CMSS1: variants seen among roughly 807,000 people sequenced by gnomAD.
CMSS1 encodes the protein cms1 ribosomal small subunit homolog.
Under a neutral mutation model 43.5 loss-of-function variants are expected in CMSS1, and 33 were observed. The observed-to-expected ratio is 0.76, with a 90% CI of 0.57 to 1.01. The LOEUF is 1.01. Ranked by LOEUF, CMSS1 falls within the 50% of genes least tolerant of loss-of-function variation. The probability of loss-of-function intolerance (pLI) is 0.00; values close to 1 mark genes in which losing one functional copy is unlikely to be tolerated. For missense variants in CMSS1, 313 were observed against 326.4 expected (o/e 0.96, Z 0.32); for synonymous variants, 115 against 117.2 (o/e 0.98, Z 0.12).
chr3:100,026,905 A>G (rs1304742829), intron 1 of CMSS1, among the ~76,000 whole-genome samples: 1 of 152,114 alleles, frequency 6.6e-6, no homozygotes, highest in Non-Finnish European at 1.5e-5. Flanking sequence ...CATGAAAGCC[A>G]AGATCCTCCC....
At chr3:100,154,918 G>T (rs2066957531) in intron 2 of CMSS1, among the ~76,000 whole-genome samples, 1 of 152,196 alleles carries the variant, frequency 6.6e-6, no homozygotes, top group African/African-American at 2.4e-5. Context: ...GTTGCAGTGA[G>T]CTGAGATCAT....
At chr3:100,143,753 G>A (rs1048226155) in intron 1 of CMSS1, among the ~76,000 whole-genome samples, 1 of 152,086 alleles carries the variant, frequency 6.6e-6, no homozygotes, top group Admixed American at 6.5e-5. Context: ...GCTGTTTGGT[G>A]CATACACATT....
intron 1 of CMSS1, among the ~76,000 whole-genome samples, chr3:100,016,978 TTTAA>T (rs1249518210): frequency 3.3e-5 from 5 of 152,360 alleles, no homozygotes; most frequent in Admixed American, 1.3e-4. Flanking sequence ...TAAGATTTGC[TTTAA>T]TTTTGTTGAA....
In CMSS1 at chr3:99,955,636, G is replaced by A. The variant is rs140003969; in HGVS notation, c.64+137593G>A. 4.0e-3 allele frequency among the ~76,000 whole-genome samples: 606 copies of A among 152,244 alleles called. 4 individuals carry two copies. Among genetic ancestry groups the A allele is most frequent in the African/African-American group, 0.014 (562 of 41,546 alleles). On this transcript the variant is annotated intron_variant, in intron 1 of 9. Transcript: ENST00000421999. ...ATTAATCATATTTTCCTGGAGCTCC[G>A]TTAGTCTTGCCTATCAAACTCTTTG...
At chr3:100,098,208 A>G (rs2066244318) in intron 1 of CMSS1, among the ~76,000 whole-genome samples, 1 of 152,208 alleles carries the variant, frequency 6.6e-6, no homozygotes, top group Non-Finnish European at 1.5e-5. Context: ...ACATTTTATG[A>G]CAGGTAAAAA....
chr3:100,181,531 A>C lies in CMSS1; in HGVS notation c.*3143A>C, dbSNP rs2067184509. 1 of 152,232 alleles carries C rather than the reference A, an allele frequency of 6.6e-6. No individual in the cohort carries two copies. 9.4% of individuals were successfully genotyped at this position (152,232 alleles called of 1,614,324 possible). On this transcript the variant is annotated 3_prime_UTR_variant, in exon 10 of 10. Coordinates refer to ENST00000421999, the MANE Select transcript of CMSS1 (RefSeq NM_032359.4). The stretch of plus-strand genomic sequence containing the variant: ...CTTGTTCTATTCCAGGATTCACTGC[A>C]GGATCCCACATTGCACTTACTTAGT...
intron 1 of CMSS1, among the ~76,000 whole-genome samples, chr3:100,031,870 T>G (rs2065027619): frequency 6.6e-6 from 1 of 152,204 alleles, no homozygotes; most frequent in Admixed American, 6.5e-5. Context: ...TAGTAACTAC[T>G]AAACTAGGTC....
chr3:100,145,493 A>G (rs2066842184), intron 1 of CMSS1, among the ~76,000 whole-genome samples: 1 of 152,156 alleles, frequency 6.6e-6, no homozygotes, highest in African/African-American at 2.4e-5. Context: ...CCAGAGAAAC[A>G]GAACCAACAG....
intron 1 of CMSS1, among the ~76,000 whole-genome samples, chr3:99,934,634 A>G (rs1707599572): frequency 6.6e-6 from 1 of 152,190 alleles, no homozygotes; most frequent in South Asian, 2.1e-4. Flanking sequence ...AATTTGCTAA[A>G]CATTGTTCAT....
intron 1 of CMSS1, among the ~76,000 whole-genome samples, chr3:99,948,113 T>C (rs1414151323): frequency 2.0e-5 from 3 of 152,214 alleles, no homozygotes; most frequent in African/African-American, 7.2e-5. Flanking sequence ...TGCTGTCTTA[T>C]GTCCAAAAAA....
chr3:99,868,550 A>G (rs1244939439), intron 1 of CMSS1, among the ~76,000 whole-genome samples: 2 of 152,186 alleles, frequency 1.3e-5, no homozygotes, highest in Non-Finnish European at 2.9e-5. Flanking sequence ...ATCACGTTTA[A>G]GCTTCAGGTT....
At chr3:100,020,269 A>C (rs1335199788) in intron 1 of CMSS1, among the ~76,000 whole-genome samples, 3 of 152,144 alleles carry the variant, frequency 2.0e-5, no homozygotes, top group Non-Finnish European at 4.4e-5. Context: ...CAAATAAATC[A>C]TTTGCAGATT....
intron 1 of CMSS1, among the ~76,000 whole-genome samples, chr3:100,130,531 C>T (rs1559766730): frequency 2.0e-5 from 3 of 152,142 alleles, no homozygotes; most frequent in African/African-American, 7.2e-5. Flanking sequence ...ACACATTGCC[C>T]TAAGGGGGAC....
At chr3:100,134,492 A>T (rs550239693) in intron 1 of CMSS1, among the ~76,000 whole-genome samples, 16 of 152,208 alleles carry the variant, frequency 1.1e-4, no homozygotes, top group Non-Finnish European at 5.9e-5. Context: ...GGATGGCCTC[A>T]TCTCCATTTC....
At chr3:99,854,074 G>A (rs1363961055) in intron 1 of CMSS1, among the ~76,000 whole-genome samples, 1 of 152,152 alleles carries the variant, frequency 6.6e-6, no homozygotes, top group Non-Finnish European at 1.5e-5. Context: ...TGATAGTGAT[G>A]AATGGTCCAC....
intron 1 of CMSS1, chr3:99,926,004 C>T (rs879421793): frequency 2.3e-5 from 8 of 347,994 alleles, no homozygotes; most frequent in African/African-American, 6.7e-5. Flanking sequence ...TGAAAACACC[C>T]GACTTTCTAG....
intron 1 of CMSS1, among the ~76,000 whole-genome samples, chr3:99,892,012 G>A (rs761901984): frequency 1.7e-4 from 26 of 152,056 alleles, no homozygotes; most frequent in Non-Finnish European, 3.1e-4. Context: ...TTTCACAGTT[G>A]TTACTTCTTA....
intron 1 of CMSS1, among the ~76,000 whole-genome samples, chr3:99,886,395 A>G (rs1427151980): frequency 2.6e-5 from 4 of 151,612 alleles, no homozygotes; most frequent in Non-Finnish European, 5.9e-5. Flanking sequence ...TACACTTAAC[A>G]CTAATGATAC....
intron 1 of CMSS1, among the ~76,000 whole-genome samples, chr3:99,983,412 ATATATATG>A (rs1454511372): frequency 1.5e-4 from 16 of 107,024 alleles, no homozygotes; most frequent in East Asian, 4.6e-4. Context: ...ATATATATAT[ATATATATG>A]TATGTATGTA....
Sources: gnomAD v4.1 joint callset for allele counts (sites outside exome capture counted in the v4.1 genomes callset) on GRCh38, gnomAD v4.1.1 for gene constraint, MANE v1.5 for transcripts, NCBI Gene and HGNC (gene_info 2026-07-23, HGNC 2026-07-21) for gene names.